Variants in PKD1 observed in about 807,000 individuals in gnomAD.
The protein encoded by PKD1 is polycystin 1, transient receptor potential channel interacting.
A neutral mutation model predicts 361.7 loss-of-function variants in PKD1; 81 were observed. The observed-to-expected ratio is 0.22, with a 90% CI of 0.19 to 0.27. PKD1 has a LOEUF of 0.27. Ranked by LOEUF, PKD1 falls within the 10% of genes least tolerant of loss-of-function variation. The pLI is 1.00. For missense variants in PKD1, 6,399 were observed against 6,118.3 expected (o/e 1.05, Z -1.53); for synonymous variants, 3,615 against 2,818.3 (o/e 1.28, Z -8.95).
At chr16:2,129,887 T>C (rs1265695442) in intron 1 of PKD1, among the ~76,000 whole-genome samples, 1 of 151,784 alleles carries the variant, frequency 6.6e-6, no homozygotes, top group African/African-American at 2.4e-5. Context: ...TGAATCATAG[T>C]GTTCCCTGTA....
In PKD1 at chr16:2,106,012, G is replaced by C; in HGVS notation, c.7716C>G (p.Ile2572Met). 2.5e-6 allele frequency: 4 copies of C among 1,605,812 alleles called. No individual in the cohort carries two copies. The highest frequency in any genetic ancestry group is 3.4e-6 in the Non-Finnish European group (4 of 1,179,418). The change falls in exon 20 of 46, where the codon ATC becomes ATG. Residue 2572 changes from isoleucine (I) to methionine (M), a missense_variant. Physicochemically the swap from Ile to Met is conservative, Grantham distance 10. Coordinates refer to ENST00000262304, the MANE Select transcript of PKD1 (RefSeq NM_001009944.3). The surrounding 1 kb of genome is among the most constrained non-coding windows in gnomAD (Gnocchi z 6.5). ...CGCTGCCGTTGGGCTCTGGGAGGGT[G>C]ATGGCCAAAGACCTACGAGCAGAGG... ...AVVALNRSLA[I>M]TLPEPNGSAT...
At chr16:2,130,815 G>A (rs1181190311) in intron 1 of PKD1, among the ~76,000 whole-genome samples, 2 of 152,248 alleles carry the variant, frequency 1.3e-5, no homozygotes, top group East Asian at 1.9e-4. Context: ...GAAAGGGCAA[G>A]GCCCCGGGTG....
intron 38 of PKD1, 74 bp from the exon 39 acceptor site, chr16:2,092,666 C>A: frequency 2.7e-6 from 3 of 1,095,444 alleles, no homozygotes; most frequent in Non-Finnish European, 4.1e-6. Context: ...CACCAGAGAC[C>A]CAGGGAACAT....
chr16:2,124,300 C>T (rs1390099706), intron 1 of PKD1, among the ~76,000 whole-genome samples: 2 of 152,222 alleles, frequency 1.3e-5, no homozygotes, highest in Non-Finnish European at 2.9e-5. Context: ...GGCGTGTGAA[C>T]CCCAGGTCGG....
chr16:2,124,819 G>A (rs910308602), intron 1 of PKD1, among the ~76,000 whole-genome samples: 6 of 152,332 alleles, frequency 3.9e-5, no homozygotes, highest in Admixed American at 2.6e-4. Context: ...CGGAGGGGCC[G>A]CCTGCGGAGC....
chr16:2,099,420 G>T (rs531010228), intron 30 of PKD1: 33 of 641,206 alleles, frequency 5.1e-5, no homozygotes, highest in African/African-American at 3.8e-4. Context: ...CGTGGCGTCT[G>T]CTTAGCAAAG....
intron 1 of PKD1, among the ~76,000 whole-genome samples, chr16:2,121,560 TC>T (rs2092721565): frequency 6.6e-6 from 1 of 152,032 alleles, no homozygotes; most frequent in South Asian, 2.1e-4. Context: ...GCAGCATGTC[TC>T]TCTTTTCAGA....
chr16:2,122,228 G>A (rs2092732506), intron 1 of PKD1, among the ~76,000 whole-genome samples: 1 of 152,262 alleles, frequency 6.6e-6, no homozygotes, highest in South Asian at 2.1e-4. Flanking sequence ...CAGATGAGAC[G>A]CTGGGCACTG....
intron 26 of PKD1, 181 bp downstream of exon 26, chr16:2,101,880 C>G (rs1596520056): frequency 3.1e-6 from 2 of 637,028 alleles, no homozygotes; most frequent in Admixed American, 4.5e-5. Flanking sequence ...AGGAGCTGTC[C>G]TAGTCCTCAG....
chr16:2,090,254 G>C (rs200531215), intron 45 of PKD1, 31 bp downstream of exon 45: 4 of 1,608,848 alleles, frequency 2.5e-6, no homozygotes, highest in Non-Finnish European at 3.4e-6. Flanking sequence ...CCCAGGGCGT[G>C]TCCCTCTCCC....
Position 2,109,480 on chromosome 16 carries a change from C to T in PKD1, c.5687G>A (p.Ser1896Asn). Residue 1896 changes from serine to asparagine, a missense_variant, in exon 15 of 46, where the codon AGC becomes AAC. Physicochemically the swap from Ser to Asn is conservative, Grantham distance 46. Transcript: ENST00000262304. ...PIVGLVLWAS[S>N]KVVAPGQLVH... Reference sequence around the variant, plus strand: ...CAGCTGCCCGGGCGCCACCACCTTGCTGCTGGCCCACAGCACCAGGCCCAC... The same window carrying T: ...CAGCTGCCCGGGCGCCACCACCTTGTTGCTGGCCCACAGCACCAGGCCCAC... 6.2e-7 allele frequency: 1 copy of T among 1,609,182 alleles called. No individual in the cohort carries two copies. Among genetic ancestry groups the T allele is most frequent in the Non-Finnish European group, 8.5e-7 (1 of 1,179,336 alleles).
In PKD1 at chr16:2,089,933, C is replaced by T. The variant is rs1222185316; in HGVS notation, c.12706G>A (p.Val4236Ile). ...FDRLNQATED[V>I]YQLEQQLHSL... ...TGCAGCTGCTGCTCCAGCTGGTAGACGTCCTCTGTGGCCTGGTTGAGTCGG... is the reference window on the plus strand; with the variant it reads ...TGCAGCTGCTGCTCCAGCTGGTAGATGTCCTCTGTGGCCTGGTTGAGTCGG... Residue 4236 changes from valine (V) to isoleucine (I), a missense_variant, in exon 46 of 46, where the codon GTC (valine) becomes ATC (isoleucine). Physicochemically the swap from Val to Ile is conservative, Grantham distance 29. Coordinates refer to ENST00000262304, the MANE Select transcript of PKD1 (RefSeq NM_001009944.3). 2 of 1,612,156 alleles carry T rather than the reference C, an allele frequency of 1.2e-6. No individual in the cohort carries two copies. The highest frequency in any genetic ancestry group is 1.7e-6 in the Non-Finnish European group (2 of 1,179,800).
chr16:2,089,691 T>TCCGA lies in PKD1; in HGVS notation c.*32_*35dup. Reference sequence around the variant, plus strand: ...GAAAGTAATACTGAGCGGTGTCCACTCCGACTCCACGGCCCACCCCCGCCA... The same window carrying TCCGA: ...GAAAGTAATACTGAGCGGTGTCCACTCCGACCGACTCCACGGCCCACCCCCGCCA... On this transcript the variant is annotated 3_prime_UTR_variant, in exon 46 of 46. Coordinates refer to ENST00000262304, the MANE Select transcript of PKD1 (RefSeq NM_001009944.3). The TCCGA allele has an allele frequency of 6.4e-7, 1 of 1,552,680 alleles. No homozygotes were observed. Among genetic ancestry groups the TCCGA allele is most frequent in the South Asian group, 1.2e-5 (1 of 84,378 alleles).
chr16:2,103,603 G>A lies in PKD1; in HGVS notation c.8454C>T (p.Asn2818=), dbSNP rs1307460313. The A allele has an allele frequency of 1.2e-6, 2 of 1,610,448 alleles. No individual in the cohort carries two copies. Among genetic ancestry groups the A allele is most frequent in the Admixed American group, 1.7e-5 (1 of 60,014 alleles). The change falls in exon 23 of 46, where the codon AAC becomes AAT. Residue 2818 remains asparagine, a synonymous_variant. Transcript: ENST00000262304. ...IPEAFSGALA[N]LSDVVQLIFL... is the part of the protein sequence containing the mutation. ...AGATGAGCTGCACCACGTCACTGAG[G>A]TTGGCCAGGGCCCCGCTGAAAGCCT...
At chr16:2,098,204 G>C (rs1055923416) in intron 30 of PKD1, 12 of 595,158 alleles carry the variant, frequency 2.0e-5, no homozygotes, top group Admixed American at 2.9e-5. Flanking sequence ...AAGGAACAGA[G>C]TTTTAAATTT....
In PKD1 at chr16:2,112,344, G is replaced by T; in HGVS notation, c.3291C>A (p.Ala1097=). The change falls in exon 14 of 46, where the codon GCC becomes GCA. Residue 1097 remains alanine, a synonymous_variant. Coordinates refer to ENST00000262304, the MANE Select transcript of PKD1 (RefSeq NM_001009944.3). ...VEHNVMHTYA[A]PGEYLLTVLA... ...CCTCACCCCCTCATCCCTCACCTGG[G>T]GCAGCGTAGGTGTGCATGACATTGT... 4.4e-6 allele frequency: 7 copies of T among 1,587,826 alleles called. No individual in the cohort carries two copies. Among genetic ancestry groups the T allele is most frequent in the Non-Finnish European group, 6.0e-6 (7 of 1,174,798 alleles).
At chr16:2,122,402 CAGGGCCACCA>C (rs2092735022) in intron 1 of PKD1, among the ~76,000 whole-genome samples, 2 of 152,224 alleles carry the variant, frequency 1.3e-5, no homozygotes, top group African/African-American at 2.4e-5. Context: ...GCCCCTCCGG[CAGGGCCACCA>C]CTTCCCCCCT....
In PKD1 at chr16:2,114,860, A is replaced by C. The variant is rs760369807; in HGVS notation, c.2163T>G (p.Ala721=). The C allele has an allele frequency of 6.7e-6, 10 of 1,501,940 alleles. No individual in the cohort carries two copies. The South Asian group carries it at 1.2e-4, about 18-fold the overall frequency. 93.0% of individuals were successfully genotyped at this position (1,501,940 alleles called of 1,614,324 possible). A position where few individuals can be genotyped will look rare whatever the true frequency, so the allele number is the denominator to read the frequency against. Residue 721 remains alanine, a synonymous_variant, in exon 11 of 46, where the codon GCT becomes GCG. Transcript: ENST00000262304. The part of the protein sequence containing the change: ...PGDLVGLQHD[A]GPGALLHCSP... ...AGCAGTGCAGGAGGGCGCCAGGGCC[A>C]GCGTCGTGCTGCAAGCCAACGAGGT...
At position 2,118,808 on chromosome 16, in the gene PKD1, G is replaced by C. The variant is rs1414167872; in HGVS notation, c.397C>G (p.Leu133Val). 2.5e-6 allele frequency: 4 copies of C among 1,588,278 alleles called. No homozygotes were observed. The highest frequency in any genetic ancestry group is 3.4e-6 in the Non-Finnish European group (4 of 1,172,640). ...SGNPFECDCG[L>V]AWLPRWAEEQ... ...TCCGCCCATCGCGGCAGCCACGCCA[G>C]GCCACAGTCACACTCAAACGGGTTC... is the stretch of plus-strand genomic sequence containing the variant. The change falls in exon 4 of 46, where the codon CTG becomes GTG. Residue 133 changes from leucine (L) to valine (V), a missense_variant. Leu to Val is a conservative substitution (Grantham distance 32). Coordinates refer to ENST00000262304, the MANE Select transcript of PKD1 (RefSeq NM_001009944.3). The surrounding 1 kb of genome is among the most constrained non-coding windows in gnomAD (Gnocchi z 6.0).
Sources: allele counts gnomAD v4.1 joint callset (sites outside exome capture counted in the v4.1 genomes callset), GRCh38; gene constraint gnomAD v4.1.1; non-coding constraint Gnocchi (gnomAD v3.1); transcripts MANE v1.5; gene names NCBI Gene and HGNC (gene_info 2026-07-23, HGNC 2026-07-21).